Variants in A2M observed in about 807,000 individuals in gnomAD.
A2M encodes alpha-2-macroglobulin.
A neutral mutation model predicts 183.9 loss-of-function variants in A2M; 128 were observed. That is an observed-to-expected ratio of 0.70 (90% CI 0.60 to 0.81). The LOEUF (loss-of-function observed/expected upper bound fraction) is 0.81, where lower values mean the gene tolerates loss of function less well. Ranked by LOEUF, A2M falls within the 30% of genes least tolerant of loss-of-function variation. The probability of loss-of-function intolerance (pLI) is 0.00; values close to 1 mark genes in which losing one functional copy is unlikely to be tolerated. For synonymous variants in A2M, 592 were observed against 670.8 expected (o/e 0.88, Z 1.81); for missense variants, 1,495 against 1,787.6 (o/e 0.84, Z 2.95).
At chr12:9,106,458 G>A (rs764817760) in intron 9 of A2M, 33 bp downstream of exon 9, 116 of 1,461,106 alleles carry the variant, frequency 7.9e-5, no homozygotes, top group Non-Finnish European at 1.1e-4. Flanking sequence ...AATGCCTGTT[G>A]TGTTTTCTCT....
intron 10 of A2M, among the ~76,000 whole-genome samples, chr12:9,104,851 G>T (rs1426245575): frequency 6.6e-6 from 1 of 152,130 alleles, no homozygotes; most frequent in Non-Finnish European, 1.5e-5. Context: ...CTATTTTGGA[G>T]TGGACCATTA....
chr12:9,103,355 A>T (rs1938032963), intron 11 of A2M, among the ~76,000 whole-genome samples: 1 of 152,184 alleles, frequency 6.6e-6, no homozygotes, highest in South Asian at 2.1e-4. Context: ...TTGAGCCAGT[A>T]TTTTTAACCA....
At chr12:9,109,693 G>T (rs10842898) in intron 6 of A2M, among the ~76,000 whole-genome samples, 174 bp downstream of exon 6, 44,233 of 152,072 alleles carry the variant, frequency 0.29, 7,141 homozygotes, top group Non-Finnish European at 0.35. Context: ...GAAGCTATGT[G>T]AAGTCCTATT....
intron 22 of A2M, among the ~76,000 whole-genome samples, chr12:9,081,205 A>C (rs767428447): frequency 1.6e-4 from 25 of 152,328 alleles, no homozygotes; most frequent in African/African-American, 6.0e-4. Context: ...AAAGATTATA[A>C]AGGCAATTAA....
rs747411358 is a variant in A2M, at chr12:9,077,089, G to T, written c.3352-153C>A. 1.4e-3 allele frequency among the ~76,000 whole-genome samples: 217 copies of T among 152,296 alleles called. 1 individual carries two copies. Among genetic ancestry groups the T allele is most frequent in the African/African-American group, 4.8e-3 (201 of 41,556 alleles). On this transcript the variant is annotated intron_variant, in intron 27 of 35. Transcript: ENST00000318602. ...AATAGATATAATATTATTTTTATCT[G>T]TTATTCTCACATTCAAAAGATACAT...
In A2M at chr12:9,091,378, C is replaced by G. The variant is rs375590271; in HGVS notation, c.2292G>C (p.Glu764Asp). The G allele has an allele frequency of 3.7e-6, 6 of 1,614,080 alleles. No homozygotes were observed. Among genetic ancestry groups the G allele is most frequent in the Non-Finnish European group, 5.1e-6 (6 of 1,180,048 alleles). The change falls in exon 19 of 36, where the codon GAG becomes GAC. Residue 764 changes from glutamate to aspartate, a missense_variant. Transcript: ENST00000318602. Reference protein sequence around the residue: ...VGVTVPDTITEWKAGAFCLSE... With the variant: ...VGVTVPDTITDWKAGAFCLSE... Reference sequence around the variant, plus strand: ...ACAGGCAGAAGGCCCCTGCCTTCCACTCGGTGATGGTGTCAGGGACTGTTA... The same window carrying G: ...ACAGGCAGAAGGCCCCTGCCTTCCAGTCGGTGATGGTGTCAGGGACTGTTA...
intron 22 of A2M, among the ~76,000 whole-genome samples, chr12:9,086,449 A>T (rs1250481029): frequency 6.6e-6 from 1 of 152,246 alleles, no homozygotes; most frequent in Non-Finnish European, 1.5e-5. Flanking sequence ...CTACCTAGTC[A>T]AGTGGGATTT....
At chr12:9,070,088 A>C (rs1016458388) in intron 32 of A2M, among the ~76,000 whole-genome samples, 6 of 152,212 alleles carry the variant, frequency 3.9e-5, no homozygotes, top group African/African-American at 1.2e-4. Context: ...AGTTCAATTC[A>C]GTTTCTATTT....
chr12:9,114,131 A>G (rs1374897485), intron 1 of A2M, among the ~76,000 whole-genome samples: 1 of 152,150 alleles, frequency 6.6e-6, no homozygotes, highest in African/African-American at 2.4e-5. Context: ...TTACCTAACC[A>G]TGGATGTTTG....
At position 9,106,542 on chromosome 12, in the gene A2M, C is replaced by A. The variant is rs1039326138; in HGVS notation, c.943G>T (p.Glu315Ter). 5.6e-6 allele frequency: 9 copies of A among 1,598,332 alleles called. No individual in the cohort carries two copies. Among genetic ancestry groups the A allele is most frequent in the Non-Finnish European group, 7.7e-6 (9 of 1,171,224 alleles). Residue 315 changes from glutamate to a stop codon, truncating the protein, a stop_gained, in exon 9 of 36, where the codon GAG becomes TAG. Coordinates refer to ENST00000318602, the MANE Select transcript of A2M (RefSeq NM_000014.6). LOFTEE classifies it high-confidence loss of function. ...KTKVFQLKRK[E>*]YEMKLHTEAQ... ...TCAGTGTGAAGTTTCATTTCATACT[C>A]CTTCCTCTTCAGCTGGAAGACCTTG...
At chr12:9,068,367 G>A (rs1177227703) in intron 34 of A2M, 143 bp from the exon 35 acceptor site, 1 of 834,166 alleles carries the variant, frequency 1.2e-6, no homozygotes, top group Admixed American at 2.6e-5. Flanking sequence ...TCATTCATCT[G>A]ATGTGTTGCT....
intron 29 of A2M, 61 bp from the exon 30 acceptor site, chr12:9,072,932 T>A: frequency 7.1e-7 from 1 of 1,416,988 alleles, no homozygotes; most frequent in Non-Finnish European, 9.7e-7. Context: ...AGGGCTGAGA[T>A]ATTTTTCAAA....
intron 23 of A2M, 46 bp from the exon 24 acceptor site, chr12:9,079,861 A>G (rs1948857639): frequency 6.8e-7 from 1 of 1,471,794 alleles, no homozygotes; most frequent in African/African-American, 1.4e-5. Flanking sequence ...GGAGATTATC[A>G]TCTATCAAAG....
chr12:9,103,787 C>T (rs1389802775), intron 11 of A2M, among the ~76,000 whole-genome samples: 1 of 152,130 alleles, frequency 6.6e-6, no homozygotes, highest in Non-Finnish European at 1.5e-5. Context: ...TATTTATATA[C>T]CACATTTTGT....
At chr12:9,092,698 T>C (rs775237550) in intron 18 of A2M, among the ~76,000 whole-genome samples, 2 of 152,310 alleles carry the variant, frequency 1.3e-5, no homozygotes, top group African/African-American at 4.8e-5. Flanking sequence ...TGGAAAACAG[T>C]ATGGAGATAC....
rs982732432 is a variant in A2M at position 9,115,869 on chromosome 12, G to A, written c.-20C>T. 5.0e-6 allele frequency: 8 copies of A among 1,598,408 alleles called. No homozygotes were observed. Among genetic ancestry groups the A allele is most frequent in the Non-Finnish European group, 6.9e-6 (8 of 1,166,112 alleles). On this transcript the variant is annotated 5_prime_UTR_variant, in exon 1 of 36. Coordinates refer to ENST00000318602, the MANE Select transcript of A2M (RefSeq NM_000014.6). Reference sequence around the variant, plus strand: ...CCCCATGTTGCAGAAAGAAGGAGCTGGAGGAGAACAGACTGTATTGTACCC... The same window carrying A: ...CCCCATGTTGCAGAAAGAAGGAGCTAGAGGAGAACAGACTGTATTGTACCC...
At chr12:9,077,502 G>A in intron 26 of A2M, 82 bp from the exon 27 acceptor site, 1 of 1,485,880 alleles carries the variant, frequency 6.7e-7, no homozygotes, top group Non-Finnish European at 9.2e-7. Context: ...CTGTGTCATG[G>A]AATTCATCCT....
chr12:9,088,612 A>G (rs767521741), intron 22 of A2M, among the ~76,000 whole-genome samples: 11 of 152,172 alleles, frequency 7.2e-5, no homozygotes, highest in Non-Finnish European at 1.2e-4. Flanking sequence ...TGTTGATTCA[A>G]TGTTGGTTTG....
intron 27 of A2M, 30 bp downstream of exon 27, chr12:9,077,316 C>A: frequency 6.3e-7 from 1 of 1,590,984 alleles, no homozygotes; most frequent in Non-Finnish European, 8.6e-7. Context: ...CCAGAACTCT[C>A]CTTCAGCAGA....
Sources: gnomAD v4.1 joint callset for allele counts (sites outside exome capture counted in the v4.1 genomes callset) on GRCh38, gnomAD v4.1.1 for gene constraint, MANE v1.5 for transcripts, NCBI Gene and HGNC (gene_info 2026-07-23, HGNC 2026-07-21) for gene names.